The following SLC9C2 variants were observed in gnomAD, a reference collection of about 807,000 sequenced individuals.
SLC9C2 encodes the protein solute carrier family 9 member C2 (putative).
Under a neutral mutation model 140.2 loss-of-function variants are expected in SLC9C2, and 75 were observed. That is an observed-to-expected ratio of 0.53 (90% CI 0.44 to 0.65). The LOEUF is 0.65. Ranked by LOEUF, SLC9C2 falls within the 30% of genes least tolerant of loss-of-function variation. The pLI, the probability that SLC9C2 is intolerant of heterozygous loss-of-function variation, is 0.00. For missense variants in SLC9C2, 1,074 were observed against 1,331.8 expected (o/e 0.81, Z 3.01); for synonymous variants, 375 against 420.9 (o/e 0.89, Z 1.34).
chr1:173,504,577 A>T (rs1659499988), intron 26 of SLC9C2, among the ~76,000 whole-genome samples: 1 of 152,110 alleles, frequency 6.6e-6, no homozygotes, highest in Non-Finnish European at 1.5e-5. Flanking sequence ...TTACAAAGCT[A>T]GAGTGTGTCC....
chr1:173,573,727 C>T lies in SLC9C2; in HGVS notation c.903-402G>A, dbSNP rs115404993. On this transcript the variant is annotated intron_variant, in intron 8 of 27. Coordinates refer to ENST00000367714, the MANE Select transcript of SLC9C2 (RefSeq NM_178527.4). Reference sequence around the variant, plus strand: ...AACTTTGACTTTGCAATAGCTAATACGATCATCTCAATGCTCTCTGCACAA... The same window carrying T: ...AACTTTGACTTTGCAATAGCTAATATGATCATCTCAATGCTCTCTGCACAA... Among the ~76,000 whole-genome samples the T allele has an allele frequency of 9.4e-3, 1,424 of 152,290 alleles. 23 individuals carry two copies. The highest frequency in any genetic ancestry group is 0.033 in the African/African-American group (1,368 of 41,556).
chr1:173,548,490 C>T lies in SLC9C2; in HGVS notation c.1360G>A (p.Glu454Lys), dbSNP rs751892394. The change falls in exon 12 of 28, where the codon GAG becomes AAG. Residue 454 changes from glutamate to lysine, a missense_variant. By Grantham distance (56) the Glu-to-Lys change is moderately conservative. Transcript: ENST00000367714. The part of the protein sequence containing the change: ...ILQNATQHIQ[E>K]IVQNTITLFK... ...AAAGTTATTGTGTTCTGTACTATCTCCTGTATGTGCTGAGTGGCATTTTGC... is the reference window on the plus strand; with the variant it reads ...AAAGTTATTGTGTTCTGTACTATCTTCTGTATGTGCTGAGTGGCATTTTGC... The T allele has an allele frequency of 1.2e-6, 2 of 1,613,772 alleles. No homozygotes were observed. The highest frequency in any genetic ancestry group is 2.2e-5 in the East Asian group (1 of 44,864).
At chr1:173,590,025 C>A (rs762799267) in intron 4 of SLC9C2, among the ~76,000 whole-genome samples, 1 of 152,140 alleles carries the variant, frequency 6.6e-6, no homozygotes, top group Admixed American at 6.5e-5. Context: ...AGCAGATCTT[C>A]TGAGGTTAGG....
chr1:173,523,197 C>G (rs924264006), intron 21 of SLC9C2, among the ~76,000 whole-genome samples: 2 of 151,992 alleles, frequency 1.3e-5, no homozygotes, highest in Non-Finnish European at 2.9e-5. Context: ...CATGATGAAA[C>G]CCCGTCTCTA....
intron 9 of SLC9C2, 111 bp downstream of exon 9, chr1:173,573,071 T>A: frequency 1.4e-6 from 1 of 698,764 alleles, no homozygotes; most frequent in South Asian, 2.7e-5. Flanking sequence ...CAATGCCGGT[T>A]TCCTGGCTCC....
chr1:173,509,625 C>T lies in SLC9C2; in HGVS notation c.2982G>A (p.Trp994Ter), dbSNP rs1659900344. Residue 994 changes from tryptophan (W) to a stop codon, truncating the protein, a stop_gained, in exon 24 of 28, where the codon TGG becomes TGA. Transcript: ENST00000367714. LOFTEE classifies it high-confidence loss of function. Reference sequence around the variant, plus strand: ...AGGCAGTACTGAGAGCAAGCTTTAGCCATATTTTATATTCCAGAGATGGCC... The same window carrying T: ...AGGCAGTACTGAGAGCAAGCTTTAGTCATATTTTATATTCCAGAGATGGCC... ...AFWPSLEYKI[W>*]LKLALSTAYQ... The T allele has an allele frequency of 6.3e-7, 1 of 1,598,760 alleles. No individual in the cohort carries two copies. The highest frequency in any genetic ancestry group is 1.8e-5 in the Admixed American group (1 of 55,980).
At chr1:173,539,950 C>A (rs181805811) in intron 13 of SLC9C2, among the ~76,000 whole-genome samples, 22 of 152,266 alleles carry the variant, frequency 1.4e-4, no homozygotes, top group Admixed American at 1.0e-3. Flanking sequence ...CAATTGGCAT[C>A]GCTGTTTCCC....
chr1:173,598,758 A>G (rs1043801425), intron 3 of SLC9C2, among the ~76,000 whole-genome samples: 1 of 152,220 alleles, frequency 6.6e-6, no homozygotes, highest in African/African-American at 2.4e-5. Context: ...AAGCTAATAA[A>G]TTAATAAATA....
Position 173,507,010 on chromosome 1 carries a change from T to C in SLC9C2, c.3071A>G (p.Asn1024Ser), listed in dbSNP as rs1375621430. ...TGATAAAGTTTCCACATATGCTTGA[T>C]TGAACATCACACAGTTCTGAAACCT... ...DLRFQNCVMF[N>S]QAYVETLSSY... Residue 1024 changes from asparagine to serine, a missense_variant, in exon 25 of 28, where the codon AAT becomes AGT. Transcript: ENST00000367714. The C allele has an allele frequency of 1.2e-6, 2 of 1,605,142 alleles. No individual in the cohort carries two copies. Among genetic ancestry groups the C allele is most frequent in the South Asian group, 1.1e-5 (1 of 88,762 alleles).
At chr1:173,505,668 G>A (rs946432267) in intron 25 of SLC9C2, among the ~76,000 whole-genome samples, 1 of 152,174 alleles carries the variant, frequency 6.6e-6, no homozygotes, top group African/African-American at 2.4e-5. Flanking sequence ...AGCATTCCCA[G>A]GATGGCAAGA....
At chr1:173,555,647 A>G (rs982079243) in intron 10 of SLC9C2, among the ~76,000 whole-genome samples, 2 of 152,182 alleles carry the variant, frequency 1.3e-5, no homozygotes, top group Non-Finnish European at 2.9e-5. Context: ...ATAAAAGAGA[A>G]TCGGAGGAGC....
At chr1:173,592,643 T>C (rs1397178318) in intron 4 of SLC9C2, among the ~76,000 whole-genome samples, 3 of 152,216 alleles carry the variant, frequency 2.0e-5, no homozygotes, top group Non-Finnish European at 2.9e-5. Context: ...CATTCCTAAT[T>C]TGGCTCTCAG....
rs771056953 is a variant in SLC9C2 at position 173,509,665 on chromosome 1, C to A, written c.2942G>T (p.Gly981Val). Residue 981 changes from glycine (G) to valine (V), a missense_variant, in exon 24 of 28, where the codon GGC becomes GTC. Coordinates refer to ENST00000367714, the MANE Select transcript of SLC9C2 (RefSeq NM_178527.4). The stretch of plus-strand genomic sequence containing the variant: ...CAGAGATGGCCAGAAGGCATCAAAG[C>A]CTTCATATAAATCCTCCAGGGAGAT... Reference protein sequence around the residue: ...CFISLEDLYEGFDAFWPSLEY... With the variant: ...CFISLEDLYEVFDAFWPSLEY... 1.9e-6 allele frequency: 3 copies of A among 1,596,208 alleles called. No individual in the cohort carries two copies. In the South Asian group the frequency reaches 3.5e-5, roughly 18 times the overall value.
intron 23 of SLC9C2, among the ~76,000 whole-genome samples, chr1:173,517,124 T>C (rs1015125908): frequency 3.3e-5 from 5 of 152,220 alleles, no homozygotes; most frequent in Admixed American, 2.6e-4. Flanking sequence ...TTTTGAAAAG[T>C]ATCTGTTCAT....
chr1:173,518,217 C>T (rs7413754), intron 22 of SLC9C2, among the ~76,000 whole-genome samples: 28,230 of 150,706 alleles, frequency 0.19, 2,692 homozygotes, highest in East Asian at 0.31. Flanking sequence ...GAGCCAAGAT[C>T]GTGCCACTGC....
intron 9 of SLC9C2, among the ~76,000 whole-genome samples, chr1:173,564,784 C>T (rs1266107757): frequency 1.4e-5 from 2 of 145,606 alleles, no homozygotes; most frequent in Non-Finnish European, 3.0e-5. Context: ...ACTACAGGCG[C>T]CTGCCACCAC....
intron 14 of SLC9C2, 56 bp downstream of exon 14, chr1:173,536,886 T>C: frequency 1.7e-6 from 2 of 1,200,196 alleles, no homozygotes; most frequent in Non-Finnish European, 2.5e-6. Context: ...TTATTCATTC[T>C]TCATCATATA....
At position 173,506,887 on chromosome 1, in the gene SLC9C2, G is replaced by A; in HGVS notation, c.3194C>T (p.Ala1065Val). Residue 1065 changes from alanine (A) to valine (V), a missense_variant, in exon 25 of 28, where the codon GCA becomes GTA. By Grantham distance (64) the Ala-to-Val change is moderately conservative. Transcript: ENST00000367714. ...ACAGGTTGTAGGTATAATGCAAGGT[G>A]CAAAATATGGTTCCTCTGTCTTAGT... ...IDTKTEEPYFAPCIIPTTCEQ... is the reference protein window; with the variant it reads ...IDTKTEEPYFVPCIIPTTCEQ... 6.2e-7 allele frequency: 1 copy of A among 1,613,542 alleles called. No individual in the cohort carries two copies.
At chr1:173,570,741 C>T (rs1434419124) in intron 9 of SLC9C2, among the ~76,000 whole-genome samples, 1 of 152,182 alleles carries the variant, frequency 6.6e-6, no homozygotes, top group Non-Finnish European at 1.5e-5. Flanking sequence ...TAGGGCTGGT[C>T]TAAATGTTCC....
Sources: allele counts gnomAD v4.1 joint callset (sites outside exome capture counted in the v4.1 genomes callset), GRCh38; gene constraint gnomAD v4.1.1; transcripts MANE v1.5; gene names NCBI Gene and HGNC (gene_info 2026-07-23, HGNC 2026-07-21).